POFUT4: variants seen among roughly 807,000 people sequenced by gnomAD.
The protein encoded by POFUT4 is protein O-fucosyltransferase 4.
the POFUT4 span, among the ~76,000 whole-genome samples, chr10:73,778,391 CA>C: frequency 0.049 from 2,093 of 43,072 alleles, 18 homozygotes; most frequent in African/African-American, 0.14. Context: ...AACTCCATCC[CA>C]AAAAAAAAAA....
the POFUT4 span, chr10:73,775,800 A>G: frequency 9.1e-7 from 1 of 1,094,906 alleles, no homozygotes; most frequent in Non-Finnish European, 1.3e-6. Context: ...TCATGGATTC[A>G]AGGAATTCCA....
the POFUT4 span, chr10:73,773,825 C>T: frequency 1.9e-6 from 3 of 1,547,756 alleles, no homozygotes; most frequent in Admixed American, 1.9e-5. Context: ...GGTAAGAGTG[C>T]TGGGGTCCCC....
chr10:73,779,775 T>A, the POFUT4 span: 2 of 151,898 alleles, frequency 1.3e-5, no homozygotes, highest in African/African-American at 4.8e-5. Context: ...GTGTAGATTA[T>A]CCTTACCTCT....
At chr10:73,776,597 C>T in the POFUT4 span, among the ~76,000 whole-genome samples, 1 of 152,184 alleles carries the variant, frequency 6.6e-6, no homozygotes, top group East Asian at 1.9e-4. Flanking sequence ...AGGAGGATCA[C>T]TTGAGTCCAG....
At chr10:73,776,383 ATTT>A in the POFUT4 span, among the ~76,000 whole-genome samples, 3 of 138,424 alleles carry the variant, frequency 2.2e-5, no homozygotes. Flanking sequence ...CCCAGCCCTA[ATTT>A]TTTTTTTTTT....
At chr10:73,778,185 C>T in the POFUT4 span, among the ~76,000 whole-genome samples, 3 of 149,324 alleles carry the variant, frequency 2.0e-5, no homozygotes, top group Admixed American at 6.7e-5. Context: ...TTGATGGAGC[C>T]CACTCAAGGG....
chr10:73,773,052 G>A, the POFUT4 span: 9 of 1,560,602 alleles, frequency 5.8e-6, no homozygotes, highest in Non-Finnish European at 7.8e-6. Context: ...GTGAGTGAGG[G>A]CGGGCCGGAG....
chr10:73,772,765 C>T, the POFUT4 span: 1 of 1,607,790 alleles, frequency 6.2e-7, no homozygotes, highest in South Asian at 1.1e-5. Context: ...GCTGGGCGCT[C>T]CTCCACGAGG....
At chr10:73,773,388 C>G in the POFUT4 span, 1 of 1,614,222 alleles carries the variant, frequency 6.2e-7, no homozygotes, top group Non-Finnish European at 8.5e-7. Flanking sequence ...GGGCGCTGTG[C>G]CCGTGTACCG....
chr10:73,776,900 C>A, the POFUT4 span, among the ~76,000 whole-genome samples: 4 of 152,158 alleles, frequency 2.6e-5, no homozygotes, highest in Non-Finnish European at 1.5e-5. Context: ...AGGATAGTCT[C>A]GATTTCTTGA....
chr10:73,773,170 C>A, the POFUT4 span: 2 of 1,591,208 alleles, frequency 1.3e-6, no homozygotes, highest in Non-Finnish European at 8.5e-7. Context: ...CTCATGACAG[C>A]CTTACTGTAC....
chr10:73,773,369 C>T, the POFUT4 span: 1 of 1,614,192 alleles, frequency 6.2e-7, no homozygotes, highest in Admixed American at 1.7e-5. Flanking sequence ...TGTGGCGTCC[C>T]ATGCACCTGG....
At chr10:73,779,894 T>C in the POFUT4 span, 2 of 152,254 alleles carry the variant, frequency 1.3e-5, no homozygotes, top group East Asian at 3.8e-4. Flanking sequence ...TTGTGCTTGG[T>C]GCTTTCCAGA....
chr10:73,772,890 G>C, the POFUT4 span: 4 of 1,612,046 alleles, frequency 2.5e-6, no homozygotes, highest in Middle Eastern at 3.3e-4. Flanking sequence ...TGGCTGCCCG[G>C]GACCGCCTAT....
At chr10:73,775,349 T>C in the POFUT4 span, 3 of 1,350,800 alleles carry the variant, frequency 2.2e-6, no homozygotes, top group South Asian at 3.6e-5. Flanking sequence ...GTGATGTCTT[T>C]GTGTTTGTGA....
the POFUT4 span, chr10:73,773,034 A>G: frequency 6.4e-7 from 1 of 1,573,508 alleles, no homozygotes; most frequent in Non-Finnish European, 8.6e-7. Context: ...CTCATGCGCC[A>G]CATCCCGGTG....
At chr10:73,773,634 A>G in the POFUT4 span, 1 of 1,614,208 alleles carries the variant, frequency 6.2e-7, no homozygotes, top group South Asian at 1.1e-5. Context: ...TAACTACCTC[A>G]ACGGCTTCGA....
At chr10:73,772,940 T>TGGC in the POFUT4 span, 1 of 1,607,564 alleles carries the variant, frequency 6.2e-7, no homozygotes, top group Non-Finnish European at 8.5e-7. Flanking sequence ...ACGCGCGGAG[T>TGGC]GGCGCCGCCG....
the POFUT4 span, chr10:73,773,429 G>A: frequency 2.0e-5 from 33 of 1,614,114 alleles, no homozygotes; most frequent in Non-Finnish European, 2.3e-5. Context: ...ACTGGATGCC[G>A]AACAATCACT....
Sources: gnomAD v4.1 joint callset for allele counts (sites outside exome capture counted in the v4.1 genomes callset) on GRCh38, gnomAD v4.1.1 for gene constraint, MANE v1.5 for transcripts, NCBI Gene and HGNC (gene_info 2026-07-23, HGNC 2026-07-21) for gene names.